Variants in TM4SF1 observed in about 807,000 individuals in gnomAD.
TM4SF1 encodes the protein transmembrane 4 L6 family member 1.
In TM4SF1, 20 loss-of-function variants were observed where a neutral mutation model predicts 24.5. That is an observed-to-expected ratio of 0.82 (90% CI 0.57 to 1.19). TM4SF1 has a LOEUF of 1.19. Ranked by LOEUF, TM4SF1 falls within the 50% of genes most tolerant of loss-of-function variation. The pLI is 0.00. For synonymous variants in TM4SF1, 107 were observed against 95.4 expected (o/e 1.12, Z -0.71); for missense variants, 258 against 248.1 (o/e 1.04, Z -0.27).
In TM4SF1 at chr3:149,369,740, C is replaced by A. The variant is rs750767182; in HGVS notation, c.*126G>T. On this transcript the variant is annotated 3_prime_UTR_variant, in exon 5 of 5. Transcript: ENST00000305366. ...CTGTGAAGATGCCAGTCTTTACAGG[C>A]GTTTGTAAAAGTAGACTGTGGGGAG... 3 of 1,155,552 alleles carry A rather than the reference C, an allele frequency of 2.6e-6. No individual in the cohort carries two copies. Among genetic ancestry groups the A allele is most frequent in the Non-Finnish European group, 3.7e-6 (3 of 804,916 alleles). 71.6% of individuals were successfully genotyped at this position (1,155,552 alleles called of 1,614,324 possible).
In TM4SF1 at chr3:149,372,015, C is replaced by G. The variant is rs148889385; in HGVS notation, c.414-148G>C. On this transcript the variant is annotated intron_variant, in intron 3 of 4. Coordinates refer to ENST00000305366, the MANE Select transcript of TM4SF1 (RefSeq NM_014220.3). ...GTTTCTTCCACTGCATGTCATTCCA[C>G]AAAATGGAGGAATTTAGCCCAGATC... 2,203 of 705,424 alleles carry G rather than the reference C, an allele frequency of 3.1e-3. 43 individuals are homozygous for G. The African/African-American group carries it at 0.035, about 11-fold the overall frequency. 43.7% of individuals were successfully genotyped at this position (705,424 alleles called of 1,614,324 possible). A position where few individuals can be genotyped will look rare whatever the true frequency, so the allele number is the denominator to read the frequency against.
intron 1 of TM4SF1, among the ~76,000 whole-genome samples, chr3:149,376,202 T>C (rs1194194207): frequency 2.0e-5 from 3 of 152,238 alleles, no homozygotes; most frequent in Non-Finnish European, 2.9e-5. Flanking sequence ...ATGAAAGCTA[T>C]ATATAATAAA....
intron 4 of TM4SF1, chr3:149,370,626 T>A (rs1217125373): frequency 6.6e-6 from 1 of 152,194 alleles, no homozygotes; most frequent in African/African-American, 2.4e-5. Flanking sequence ...AAGCTCCATA[T>A]TGAAGGTTTC....
At chr3:149,371,297 G>A in intron 4 of TM4SF1, 3 of 359,070 alleles carry the variant, frequency 8.4e-6, no homozygotes, top group Non-Finnish European at 1.0e-5. Context: ...TTAGCATAGT[G>A]CCTGATGCAT....
intron 1 of TM4SF1, among the ~76,000 whole-genome samples, chr3:149,376,193 T>C (rs147608203): frequency 1.5e-3 from 226 of 152,340 alleles, no homozygotes; most frequent in African/African-American, 5.1e-3. Flanking sequence ...ATGGGAGACA[T>C]GAAAGCTATA....
rs538742372 is a variant in TM4SF1 at position 149,371,887 on chromosome 3, C to A, written c.414-20G>T. ...AGGTACCTGTGGGTAAAAAGAGAAA[C>A]TTCTGACACACGGTCATACTTGAGG... On this transcript the variant is annotated intron_variant, in intron 3 of 4. Transcript: ENST00000305366. The A allele has an allele frequency of 3.7e-6, 6 of 1,612,776 alleles. No homozygotes were observed. Among genetic ancestry groups the A allele is most frequent in the South Asian group, 2.2e-5 (2 of 90,894 alleles).
intron 3 of TM4SF1, 24 bp downstream of exon 3, chr3:149,375,419 G>T: frequency 6.2e-7 from 1 of 1,613,308 alleles, no homozygotes; most frequent in South Asian, 1.1e-5. Flanking sequence ...AAAATGTGTA[G>T]CCATGTAGAG....
Position 149,375,591 on chromosome 3 carries a change from A to G in TM4SF1, c.268-3T>C, listed in dbSNP as rs1560003434. On this transcript the variant is annotated splice_polypyrimidine_tract_variant and splice_region_variant and intron_variant, in intron 2 of 4. Coordinates refer to ENST00000305366, the MANE Select transcript of TM4SF1 (RefSeq NM_014220.3). ...GCAGCCAATACAGAAGAAAGCATCT[A>G]GGGAAAAGCAGACACACAGGAAGTG... 6.2e-7 allele frequency: 1 copy of G among 1,614,228 alleles called. No homozygotes were observed. Among genetic ancestry groups the G allele is most frequent in the Non-Finnish European group, 8.5e-7 (1 of 1,180,028 alleles).
intron 1 of TM4SF1, among the ~76,000 whole-genome samples, chr3:149,376,248 TTTAAC>T (rs1408473104): frequency 6.6e-6 from 1 of 152,228 alleles, no homozygotes; most frequent in South Asian, 2.1e-4. Flanking sequence ...AATGCATAGT[TTTAAC>T]TTAACAATAT....
Position 149,377,453 on chromosome 3 carries a change from T to C in TM4SF1, c.95A>G (p.Asn32Ser), listed in dbSNP as rs768602487. 1 of 1,614,122 alleles carries C rather than the reference T, an allele frequency of 6.2e-7. No homozygotes were observed. Among genetic ancestry groups the C allele is most frequent in the Non-Finnish European group, 8.5e-7 (1 of 1,180,014 alleles). Reference sequence around the variant, plus strand: ...TTCGGAGGCATACTTTGTTTCCCCATTGGGAAAGTAAAGCAAAATATTAGC... The same window carrying C: ...TTCGGAGGCATACTTTGTTTCCCCACTGGGAAAGTAAAGCAAAATATTAGC... ...IAANILLYFP[N>S]GETKYASENH... Residue 32 changes from asparagine to serine, a missense_variant, in exon 1 of 5, where the codon AAT (asparagine) becomes AGT (serine). By Grantham distance (46) the Asn-to-Ser change is conservative (BLOSUM62 1). Transcript: ENST00000305366.
intron 1 of TM4SF1, among the ~76,000 whole-genome samples, chr3:149,376,619 A>C (rs1731961171): frequency 6.6e-6 from 1 of 152,240 alleles, no homozygotes; most frequent in African/African-American, 2.4e-5. Context: ...TTGATTAAGA[A>C]AATTTATCAC....
chr3:149,374,571 A>T (rs575506247), intron 3 of TM4SF1, among the ~76,000 whole-genome samples: 1 of 149,072 alleles, frequency 6.7e-6, no homozygotes, highest in Non-Finnish European at 1.5e-5. Context: ...GATAACTGAT[A>T]AAAAAAATAA....
intron 1 of TM4SF1, among the ~76,000 whole-genome samples, chr3:149,376,985 G>T (rs1731968125): frequency 6.6e-6 from 1 of 152,114 alleles, no homozygotes; most frequent in Non-Finnish European, 1.5e-5. Flanking sequence ...AGAGAATTTG[G>T]ATTCAAAACT....
intron 4 of TM4SF1, 100 bp from the exon 5 acceptor site, chr3:149,369,980 A>G: frequency 1.4e-6 from 2 of 1,437,220 alleles, no homozygotes; most frequent in South Asian, 1.3e-5. Context: ...AAACAGACTG[A>G]TCTTAGCTTC....
intron 3 of TM4SF1, 127 bp from the exon 4 acceptor site, chr3:149,371,994 C>T: frequency 1.2e-6 from 1 of 841,744 alleles, no homozygotes; most frequent in South Asian, 1.8e-5. Context: ...GTGTAAGTTT[C>T]TTCCACTGCA....
chr3:149,377,611 T>C lies in TM4SF1; in HGVS notation c.-64A>G, dbSNP rs1731993588. ...CAGCTCAGTGATACCCCAAATTAGA[T>C]GAAAGTGTGCCCTTCTGGTGGAGAA... On this transcript the variant is annotated 5_prime_UTR_variant, in exon 1 of 5. Coordinates refer to ENST00000305366, the MANE Select transcript of TM4SF1 (RefSeq NM_014220.3). The C allele has an allele frequency of 6.4e-6, 10 of 1,554,268 alleles. No homozygotes were observed. The highest frequency in any genetic ancestry group is 7.8e-6 in the Non-Finnish European group (9 of 1,149,406).
At chr3:149,375,816 A>C in intron 1 of TM4SF1, 47 bp from the exon 2 acceptor site, 15 of 1,577,246 alleles carry the variant, frequency 9.5e-6, no homozygotes, top group Non-Finnish European at 1.3e-5. Flanking sequence ...GCTCAGGCTC[A>C]TATGGGTCAG....
chr3:149,375,634 GCTACATC>G (rs764257359), intron 2 of TM4SF1, 39 bp downstream of exon 2: 10 of 1,614,042 alleles, frequency 6.2e-6, no homozygotes, highest in Non-Finnish European at 7.6e-6. Context: ...GAGTGCCACA[GCTACATC>G]TTAGGAGTCA....
rs1731902252 is a variant in TM4SF1 at position 149,374,503 on chromosome 3, T to C, written c.413+940A>G. Reference sequence around the variant, plus strand: ...AACTCCTGCTCAAAGAAACATGTCATCCATTCATCACCACATACATCCGTT... The same window carrying C: ...AACTCCTGCTCAAAGAAACATGTCACCCATTCATCACCACATACATCCGTT... On this transcript the variant is annotated intron_variant, in intron 3 of 4. Transcript: ENST00000305366. Among the ~76,000 whole-genome samples, 7 of 152,330 alleles carry C rather than the reference T, an allele frequency of 4.6e-5. No individual in the cohort carries two copies. The South Asian group carries it at 1.4e-3, about 32-fold the overall frequency.
Sources: allele counts gnomAD v4.1 joint callset (sites outside exome capture counted in the v4.1 genomes callset), GRCh38; gene constraint gnomAD v4.1.1; transcripts MANE v1.5; gene names NCBI Gene and HGNC (gene_info 2026-07-23, HGNC 2026-07-21).